The following CUX2 variants were observed in gnomAD, a reference collection of about 807,000 sequenced individuals.
CUX2 encodes the protein cut like homeobox 2.
In CUX2, 40 loss-of-function variants were observed where a neutral mutation model predicts 144.8. That is an observed-to-expected ratio of 0.28 (90% CI 0.21 to 0.36). The LOEUF (loss-of-function observed/expected upper bound fraction) is 0.36. Ranked by LOEUF, CUX2 falls within the 10% of genes least tolerant of loss-of-function variation. The probability of loss-of-function intolerance (pLI) is 1.00; values close to 1 mark genes in which losing one functional copy is unlikely to be tolerated. For missense variants in CUX2, 1,615 were observed against 1,994.0 expected, an observed-to-expected ratio of 0.81 and a Z score of 3.62; for synonymous variants, 827 against 875.6, an observed-to-expected ratio of 0.94 and a Z score of 0.98.
chr12:111,214,050 C>A, intron 1 of CUX2, 150 bp from the exon 2 acceptor site: 1 of 402,148 alleles, frequency 2.5e-6, no homozygotes, highest in South Asian at 7.8e-5. Context: ...TTTATTTGTG[C>A]CAGGAGTCAA....
At chr12:111,211,726 A>T (rs1026404545) in intron 1 of CUX2, among the ~76,000 whole-genome samples, 4 of 152,090 alleles carry the variant, frequency 2.6e-5, no homozygotes, top group African/African-American at 9.7e-5. Context: ...TCTACTAAAA[A>T]TACAAAAACT....
In CUX2 at chr12:111,035,027, G is replaced by A. The variant is rs1188441056; in HGVS notation, c.63+787G>A. On this transcript the variant is annotated intron_variant, in intron 1 of 21. Coordinates refer to ENST00000261726, the MANE Select transcript of CUX2 (RefSeq NM_015267.4). This position sits in a 1 kb window ranked among gnomAD's most constrained non-coding sequence, Gnocchi z 6.0. ...AGATGCAGACGGGCGGTGGAGGTGG[G>A]CCCGGGCGCTCGCAAGTTTGCGCTC... is the stretch of plus-strand genomic sequence containing the variant. 2.6e-5 allele frequency among the ~76,000 whole-genome samples: 4 copies of A among 152,048 alleles called. No homozygotes were observed. Among genetic ancestry groups the A allele is most frequent in the Non-Finnish European group, 1.5e-5 (1 of 67,972 alleles).
At chr12:111,153,644 T>C (rs964390087) in intron 1 of CUX2, among the ~76,000 whole-genome samples, 2 of 152,202 alleles carry the variant, frequency 1.3e-5, no homozygotes, top group African/African-American at 2.4e-5. Context: ...CAAAATGTCA[T>C]TATGTGGTAC....
chr12:111,172,386 C>T (rs995818706), intron 1 of CUX2, among the ~76,000 whole-genome samples: 5 of 152,336 alleles, frequency 3.3e-5, no homozygotes, highest in South Asian at 2.1e-4. Context: ...TTTAACAACC[C>T]GCTGGTTCTT....
intron 4 of CUX2, among the ~76,000 whole-genome samples, chr12:111,284,093 C>T (rs545193153): frequency 5.7e-4 from 87 of 152,248 alleles, no homozygotes; most frequent in Admixed American, 1.5e-3. Flanking sequence ...AAATCCCTTG[C>T]GTATCTCTTG....
At chr12:111,038,861 C>T (rs951087894) in intron 1 of CUX2, among the ~76,000 whole-genome samples, 26 of 151,908 alleles carry the variant, frequency 1.7e-4, no homozygotes, top group African/African-American at 5.3e-4. Flanking sequence ...ATAAGTGTCT[C>T]GGTGGGTTAT....
In CUX2 at chr12:111,348,431, A is replaced by C; in HGVS notation, c.*106A>C. Reference sequence around the variant, plus strand: ...GGGAGGGAGGAACTCAACCATCAAAATGTGGACAGCAATGTTATGCCGTTT... The same window carrying C: ...GGGAGGGAGGAACTCAACCATCAAACTGTGGACAGCAATGTTATGCCGTTT... On this transcript the variant is annotated 3_prime_UTR_variant, in exon 22 of 22. Coordinates refer to ENST00000261726, the MANE Select transcript of CUX2 (RefSeq NM_015267.4). 1 of 1,050,726 alleles carries C rather than the reference A, an allele frequency of 9.5e-7. No individual in the cohort carries two copies. The highest frequency in any genetic ancestry group is 1.4e-6 in the Non-Finnish European group (1 of 722,744). 65.1% of individuals were successfully genotyped at this position (1,050,726 alleles called of 1,614,324 possible). A position where few individuals can be genotyped will look rare whatever the true frequency, so the allele number is the denominator to read the frequency against.
At chr12:111,279,469 A>C (rs1038504396) in intron 4 of CUX2, among the ~76,000 whole-genome samples, 2 of 152,238 alleles carry the variant, frequency 1.3e-5, no homozygotes, top group African/African-American at 4.8e-5. Context: ...TGCAGGATAT[A>C]ATCAAGGTAA....
intron 1 of CUX2, among the ~76,000 whole-genome samples, chr12:111,183,841 A>G (rs545034678): frequency 6.6e-6 from 1 of 152,260 alleles, no homozygotes; most frequent in East Asian, 1.9e-4. Context: ...GTGACTAACA[A>G]GCTTATTTAG....
chr12:111,330,926 C>T (rs1173603371), intron 18 of CUX2, among the ~76,000 whole-genome samples: 1 of 150,400 alleles, frequency 6.6e-6, no homozygotes, highest in Non-Finnish European at 1.5e-5. Flanking sequence ...CTATTAGACC[C>T]CAAAAGTCTA....
chr12:111,084,684 G>C (rs1363096351), intron 1 of CUX2, among the ~76,000 whole-genome samples: 1 of 152,226 alleles, frequency 6.6e-6, no homozygotes, highest in Non-Finnish European at 1.5e-5. Flanking sequence ...TCACAGCGAT[G>C]AATTATTTGC....
intron 4 of CUX2, among the ~76,000 whole-genome samples, chr12:111,278,004 T>G: frequency 6.6e-6 from 1 of 152,236 alleles, no homozygotes; most frequent in South Asian, 2.1e-4. Flanking sequence ...TGGGGCTGCC[T>G]ATGTTCCTTG....
chr12:111,302,352 C>G (rs1221838947), intron 9 of CUX2, among the ~76,000 whole-genome samples: 1 of 152,162 alleles, frequency 6.6e-6, no homozygotes, highest in African/African-American at 2.4e-5. Flanking sequence ...TGCCAGGCAC[C>G]AAGCAAAGAT....
In CUX2 at chr12:111,317,407, CAT is replaced by C. The variant is rs60528105; in HGVS notation, c.2003-2594_2003-2593del. 4.0e-5 allele frequency among the ~76,000 whole-genome samples: 6 copies of C among 151,586 alleles called. 1 individual carries two copies. Among genetic ancestry groups the C allele is most frequent in the African/African-American group, 4.9e-5 (2 of 41,158 alleles). Reference sequence around the variant, plus strand: ...CTGTGTGTATGTGTGTACACACGTGCATATATATATATGTGTATATATGTGTG... The same window carrying C: ...CTGTGTGTATGTGTGTACACACGTGCATATATATATGTGTATATATGTGTG... On this transcript the variant is annotated intron_variant, in intron 16 of 21. Transcript: ENST00000261726.
Position 111,295,442 on chromosome 12 carries a change from G to C in CUX2, c.637+33G>C. 6.3e-7 allele frequency: 1 copy of C among 1,585,102 alleles called. No homozygotes were observed. Among genetic ancestry groups the C allele is most frequent in the Non-Finnish European group, 8.6e-7 (1 of 1,161,270 alleles). Reference sequence around the variant, plus strand: ...TCGGCACCATGTGGCCTAGAGGGAGGACTGGGAGGGGACGGTAATGCTGTC... The same window carrying C: ...TCGGCACCATGTGGCCTAGAGGGAGCACTGGGAGGGGACGGTAATGCTGTC... On this transcript the variant is annotated intron_variant, in intron 7 of 21. Transcript: ENST00000261726. This position sits in a 1 kb window ranked among gnomAD's most constrained non-coding sequence, Gnocchi z 5.0.
At position 111,326,993 on chromosome 12, in the gene CUX2, T is replaced by G. The variant is rs180914681; in HGVS notation, c.2926+4413T>G. ...TATACAATTCAGTGGATCTAATACA[T>G]GCACAATGCGTGTGACCATCACCTC... On this transcript the variant is annotated intron_variant, in intron 18 of 21. Coordinates refer to ENST00000261726, the MANE Select transcript of CUX2 (RefSeq NM_015267.4). 1.2e-3 allele frequency among the ~76,000 whole-genome samples: 186 copies of G among 152,282 alleles called. 4 individuals carry two copies. The highest frequency in any genetic ancestry group is 2.1e-4 in the Non-Finnish European group (14 of 68,024).
Position 111,295,275 on chromosome 12 carries a change from G to A in CUX2, c.561-58G>A. On this transcript the variant is annotated intron_variant, in intron 6 of 21. Coordinates refer to ENST00000261726, the MANE Select transcript of CUX2 (RefSeq NM_015267.4). The surrounding 1 kb of genome is among the most constrained non-coding windows in gnomAD (Gnocchi z 5.0). ...GGAAGCAAGATGGGGCTCGACTCGG[G>A]GGCCCCAGGCAAGGCCTGTCCCTGC... 2 of 1,566,706 alleles carry A rather than the reference G, an allele frequency of 1.3e-6. No individual in the cohort carries two copies. The highest frequency in any genetic ancestry group is 1.9e-5 in the Admixed American group (1 of 52,926).
At chr12:111,346,593 T>C (rs964026606) in intron 21 of CUX2, among the ~76,000 whole-genome samples, 2 of 152,332 alleles carry the variant, frequency 1.3e-5, no homozygotes. Context: ...TCTATATTAG[T>C]GTACTTTATT....
At chr12:111,119,754 A>G (rs1874521149) in intron 1 of CUX2, among the ~76,000 whole-genome samples, 1 of 152,234 alleles carries the variant, frequency 6.6e-6, no homozygotes, top group African/African-American at 2.4e-5. Flanking sequence ...AATAACGTTT[A>G]CTATTGTTAA....
Sources: gnomAD v4.1 joint callset for allele counts (sites outside exome capture counted in the v4.1 genomes callset) on GRCh38, gnomAD v4.1.1 for gene constraint, Gnocchi (gnomAD v3.1) non-coding constraint, MANE v1.5 for transcripts, NCBI Gene and HGNC (gene_info 2026-07-23, HGNC 2026-07-21) for gene names.